The following PLD4 variants were observed in gnomAD, a reference collection of about 807,000 sequenced individuals.
PLD4 encodes 5'-3' exonuclease PLD4.
PLD4 carries 54 observed loss-of-function variants against 52.3 expected under a neutral mutation model. The observed-to-expected ratio is 1.03, with a 90% CI of 0.83 to 1.30. PLD4 has a LOEUF of 1.30. PLD4 is among the 50% of genes most tolerant of loss of function. PLD4 has a pLI of 0.00. For missense variants in PLD4, 731 were observed against 671.1 expected (o/e 1.09, Z -0.99); for synonymous variants, 264 against 286.5 (o/e 0.92, Z 0.79).
intron 1 of PLD4, among the ~76,000 whole-genome samples, chr14:104,926,616 G>A (rs1397979254): frequency 6.6e-6 from 1 of 152,218 alleles, no homozygotes; most frequent in South Asian, 2.1e-4. Flanking sequence ...AGGGGCTGCC[G>A]TGGGGCCAAG....
chr14:104,932,410 G>A lies in PLD4; in HGVS notation c.1321+55G>A. ...CCCCAGGGTGGCCAGGCACGGGCGA[G>A]GGAGGCACTGGCTTTGTGACCGGCG... On this transcript the variant is annotated intron_variant, in intron 10 of 10. Coordinates refer to ENST00000392593, the MANE Select transcript of PLD4 (RefSeq NM_138790.5). This position sits in a 1 kb window ranked among gnomAD's most constrained non-coding sequence, Gnocchi z 6.5. 1.3e-6 allele frequency: 2 copies of A among 1,559,210 alleles called. No homozygotes were observed. Among genetic ancestry groups the A allele is most frequent in the Admixed American group, 1.7e-5 (1 of 59,664 alleles).
At chr14:104,929,279 A>C in intron 4 of PLD4, 28 bp from the exon 5 acceptor site, 3 of 1,582,788 alleles carry the variant, frequency 1.9e-6, no homozygotes, top group Non-Finnish European at 2.6e-6. Flanking sequence ...GCCTGAGGTC[A>C]GCTCTCATGG....
Position 104,932,542 on chromosome 14 carries a change from C to T in PLD4, c.1321+187C>T, listed in dbSNP as rs1193305080. Among the ~76,000 whole-genome samples, 1 of 152,226 alleles carries T rather than the reference C, an allele frequency of 6.6e-6. No homozygotes were observed. Among genetic ancestry groups the T allele is most frequent in the Non-Finnish European group, 1.5e-5 (1 of 68,040 alleles). ...CACCTGGCCCCACAGGGCCCCAGAA[C>T]ACTGAGTCAGGACGCCTGTCCCCAA... is the stretch of plus-strand genomic sequence containing the variant. On this transcript the variant is annotated intron_variant, in intron 10 of 10. Coordinates refer to ENST00000392593, the MANE Select transcript of PLD4 (RefSeq NM_138790.5). The surrounding 1 kb of genome is among the most constrained non-coding windows in gnomAD (Gnocchi z 6.5).
Position 104,933,023 on chromosome 14 carries a change from G to C in PLD4, c.*59G>C. ...CGCACGCGCCCTCCCCTCTGACCCC[G>C]GCCTGGGCTTCAGCCGCTTCCTCCC... On this transcript the variant is annotated 3_prime_UTR_variant, in exon 11 of 11. Coordinates refer to ENST00000392593, the MANE Select transcript of PLD4 (RefSeq NM_138790.5). The C allele has an allele frequency of 1.4e-6, 2 of 1,472,470 alleles. No individual in the cohort carries two copies. The highest frequency in any genetic ancestry group is 2.6e-5 in the South Asian group (2 of 75,898). The allele number at this position is 1,472,470 out of a possible 1,614,324, so 91.2% of individuals were successfully genotyped here.
At chr14:104,935,180 T>C (rs1897780300), downstream of PLD4, 1 of 152,274 alleles carries the variant, frequency 6.6e-6, no homozygotes, top group Admixed American at 6.5e-5. Context: ...CCCTCCAGGG[T>C]TGCACGTGTG....
chr14:104,930,218 T>C (rs1897598703), intron 6 of PLD4, 113 bp downstream of exon 6: 2 of 1,405,362 alleles, frequency 1.4e-6, no homozygotes, highest in Non-Finnish European at 9.6e-7. Flanking sequence ...GTAGTCCTGT[T>C]TACAATTCAC....
At chr14:104,929,035 TTGGTGGTAGGGTCTAGCA>T in intron 4 of PLD4, 103 bp downstream of exon 4, 1 of 1,406,908 alleles carries the variant, frequency 7.1e-7, no homozygotes, top group Non-Finnish European at 9.6e-7. Flanking sequence ...GGGGCTCAGC[TTGGTGGTAGGGTCTAGCA>T]TGGAACAGGG....
Position 104,932,991 on chromosome 14 carries a change from C to T in PLD4, c.*27C>T. 6.5e-7 allele frequency: 1 copy of T among 1,528,786 alleles called. No individual in the cohort carries two copies. Among genetic ancestry groups the T allele is most frequent in the Non-Finnish European group, 8.8e-7 (1 of 1,139,892 alleles). 94.7% of individuals were successfully genotyped at this position (1,528,786 alleles called of 1,614,324 possible). ...GGGGGCCTCTTTTTCTCTCGGCGAC[C>T]CCGCCCCGCACGCGCCCTCCCCTCT... On this transcript the variant is annotated 3_prime_UTR_variant, in exon 11 of 11. Transcript: ENST00000392593. This position sits in a 1 kb window ranked among gnomAD's most constrained non-coding sequence, Gnocchi z 6.5.
At chr14:104,928,483 T>C (rs1254843475) in intron 3 of PLD4, among the ~76,000 whole-genome samples, 1 of 152,184 alleles carries the variant, frequency 6.6e-6, no homozygotes, top group African/African-American at 2.4e-5. Flanking sequence ...TCTAGCCTGC[T>C]CTGGACCAGG....
chr14:104,927,736 T>C lies in PLD4; in HGVS notation c.154T>C (p.Trp52Arg), dbSNP rs1439152308. The C allele has an allele frequency of 1.9e-6, 3 of 1,598,628 alleles. No homozygotes were observed. Among genetic ancestry groups the C allele is most frequent in the Non-Finnish European group, 2.6e-6 (3 of 1,176,316 alleles). ...CTCCGTGGCTCTTATCTGCCTCCTG[T>C]GGCAAGTGCCCCGTCCTCCCACCTG... is the stretch of plus-strand genomic sequence containing the variant. ...LGSVALICLL[W>R]QVPRPPTWGQ... The change falls in exon 3 of 11, where the codon TGG becomes CGG. Residue 52 changes from tryptophan (W) to arginine (R), a missense_variant. Transcript: ENST00000392593.
chr14:104,925,889 C>T (rs566971605), intron 1 of PLD4, among the ~76,000 whole-genome samples: 1 of 152,078 alleles, frequency 6.6e-6, no homozygotes, highest in African/African-American at 2.4e-5. Flanking sequence ...GTCCCCTGTC[C>T]CCACACTTGG....
intron 1 of PLD4, 110 bp from the exon 2 acceptor site, chr14:104,927,031 C>A: frequency 4.1e-6 from 4 of 968,408 alleles, no homozygotes; most frequent in Non-Finnish European, 5.6e-6. Context: ...CTTTTGGGGG[C>A]TTATGTGGGT....
Position 104,932,852 on chromosome 14 carries a change from G to C in PLD4, c.1409G>C (p.Gly470Ala). The C allele has an allele frequency of 6.2e-7, 1 of 1,604,992 alleles. No individual in the cohort carries two copies. Among genetic ancestry groups the C allele is most frequent in the Non-Finnish European group, 8.5e-7 (1 of 1,176,454 alleles). Residue 470 changes from glycine to alanine, a missense_variant, in exon 11 of 11, where the codon GGG (glycine) becomes GCG (alanine). Transcript: ENST00000392593. This position sits in a 1 kb window ranked among gnomAD's most constrained non-coding sequence, Gnocchi z 6.5. ...CAGAGCCCTGGCGCGCAGCCCGCGG[G>C]GGCCACGGTGCAGGAGCAGCTGCGG... ...VTQSPGAQPA[G>A]ATVQEQLRQL...
chr14:104,931,615 T>C, intron 7 of PLD4, 133 bp from the exon 8 acceptor site: 1 of 1,255,864 alleles, frequency 8.0e-7, no homozygotes, highest in Non-Finnish European at 1.1e-6. Context: ...GACCCCTTCT[T>C]TCCTCATATT....
Position 104,924,954 on chromosome 14 carries a change from T to G in PLD4, c.-37T>G, listed in dbSNP as rs2140793226. ...GAGCTGAGGGCCTGCAGTCTGCGGC[T>G]GGAATCAGGATAGACACCAAGGCAG... On this transcript the variant is annotated 5_prime_UTR_variant, in exon 1 of 11. Transcript: ENST00000392593. This position sits in a 1 kb window ranked among gnomAD's most constrained non-coding sequence, Gnocchi z 4.4. 1 of 152,870 alleles carries G rather than the reference T, an allele frequency of 6.5e-6. No homozygotes were observed. Among genetic ancestry groups the G allele is most frequent in the South Asian group, 2.1e-4 (1 of 4,822 alleles). The allele number at this position is 152,870 out of a possible 1,614,324, so 9.5% of individuals were successfully genotyped here. A position where few individuals can be genotyped will look rare whatever the true frequency, so the allele number is the denominator to read the frequency against.
chr14:104,932,018 GC>G lies in PLD4; in HGVS notation c.1067del (p.Pro356ArgfsTer53), dbSNP rs1450421726. On this transcript the variant is annotated frameshift_variant, in exon 9 of 11. Transcript: ENST00000392593. LOFTEE classifies it high-confidence loss of function. The surrounding 1 kb of genome is among the most constrained non-coding windows in gnomAD (Gnocchi z 6.5). Reference sequence around the variant, plus strand: ...CGTCCCTCCCCACCCCAAGGTACTGGCCGGTGCTGGACAACGCGCTGCGGGC... The same window carrying G: ...CGTCCCTCCCCACCCCAAGGTACTGGCGGTGCTGGACAACGCGCTGCGGGC... Reference protein sequence around the residue: ...TRFSHPPRYWPVLDNALRAAA... With the variant: ...TRFSHPPRYWXVLDNALRAAA... The G allele has an allele frequency of 6.3e-7, 1 of 1,594,908 alleles. No homozygotes were observed. The highest frequency in any genetic ancestry group is 8.5e-7 in the Non-Finnish European group (1 of 1,173,354).
At chr14:104,927,349 A>G (rs1365882607) in intron 2 of PLD4, 119 bp downstream of exon 2, 1 of 926,746 alleles carries the variant, frequency 1.1e-6, no homozygotes, top group East Asian at 2.7e-5. Context: ...AGGTGCCCTG[A>G]CTGGTGGGCA....
chr14:104,931,927 G>A (rs769022908), intron 8 of PLD4, 40 bp downstream of exon 8: 42 of 1,523,778 alleles, frequency 2.8e-5, no homozygotes, highest in Non-Finnish European at 2.9e-5. Flanking sequence ...CTCTGCTGAC[G>A]GGCAGCTCCT....
chr14:104,931,894 C>T lies in PLD4; in HGVS notation c.1058+7C>T. The T allele has an allele frequency of 6.5e-7, 1 of 1,536,388 alleles. No individual in the cohort carries two copies. Among genetic ancestry groups the T allele is most frequent in the Non-Finnish European group, 8.8e-7 (1 of 1,138,410 alleles). On this transcript the variant is annotated splice_region_variant and intron_variant, in intron 8 of 10. Coordinates refer to ENST00000392593, the MANE Select transcript of PLD4 (RefSeq NM_138790.5). ...GCTTCAGCCACCCCCCGAGGTAGGT[C>T]TGAGTGGGAGGTGGGCGGCCTGCTC...
Sources: gnomAD v4.1 joint callset for allele counts (sites outside exome capture counted in the v4.1 genomes callset) on GRCh38, gnomAD v4.1.1 for gene constraint, Gnocchi (gnomAD v3.1) non-coding constraint, MANE v1.5 for transcripts, NCBI Gene and HGNC (gene_info 2026-07-23, HGNC 2026-07-21) for gene names.